Variants in PPP1R9A observed in about 807,000 individuals in gnomAD.
The protein encoded by PPP1R9A is protein phosphatase 1 regulatory subunit 9A, also known as neurabin-1.
In PPP1R9A, 59 loss-of-function variants were observed where a neutral mutation model predicts 141.9. The ratio of observed to expected loss-of-function variants is 0.42; its 90% CI spans 0.34 to 0.52. The LOEUF is 0.52. Ranked by LOEUF, PPP1R9A falls within the 20% of genes least tolerant of loss-of-function variation. PPP1R9A has a pLI of 0.10. For synonymous variants in PPP1R9A, 500 were observed against 569.7 expected, an observed-to-expected ratio of 0.88 and a Z score of 1.74; for missense variants, 1,444 against 1,611.9, an observed-to-expected ratio of 0.90 and a Z score of 1.78.
rs1807081464 is a variant in PPP1R9A, at chr7:95,296,210, C to CA, written c.*5912dup. 1 of 152,562 alleles carries CA rather than the reference C, an allele frequency of 6.6e-6. No individual in the cohort carries two copies. Among genetic ancestry groups the CA allele is most frequent in the South Asian group, 2.1e-4 (1 of 4,828 alleles). 9.5% of individuals were successfully genotyped at this position (152,562 alleles called of 1,614,324 possible). On this transcript the variant is annotated 3_prime_UTR_variant, in exon 20 of 20. Coordinates refer to ENST00000433360, the MANE Select transcript of PPP1R9A (RefSeq NM_001166160.2). The stretch of plus-strand genomic sequence containing the variant: ...TTAATATGTACTTCTCTAGATTGTT[C>CA]AAAAAGTTTCAAATGACATTCCTTA...
At position 95,290,357 on chromosome 7, in the gene PPP1R9A, C is replaced by G. The variant is rs1397897045; in HGVS notation, c.*54C>G. The G allele has an allele frequency of 1.3e-6, 2 of 1,523,568 alleles. No individual in the cohort carries two copies. The highest frequency in any genetic ancestry group is 1.4e-5 in the African/African-American group (1 of 71,764). 94.4% of individuals were successfully genotyped at this position (1,523,568 alleles called of 1,614,324 possible). ...GCTCCAAGAGAAGTCCCCACCTCTTCCTGCCCTGCTCTCCTCCAGAGGATG... is the reference window on the plus strand; with the variant it reads ...GCTCCAAGAGAAGTCCCCACCTCTTGCTGCCCTGCTCTCCTCCAGAGGATG... On this transcript the variant is annotated 3_prime_UTR_variant, in exon 20 of 20. Coordinates refer to ENST00000433360, the MANE Select transcript of PPP1R9A (RefSeq NM_001166160.2).
chr7:95,283,946 G>C (rs1457279999), intron 16 of PPP1R9A, 72 bp from the exon 17 acceptor site: 1 of 1,277,082 alleles, frequency 7.8e-7, no homozygotes, highest in African/African-American at 1.5e-5. Context: ...ACTATATTCA[G>C]AGTCCTTGGG....
At chr7:95,284,453 A>G (rs780156635) in intron 17 of PPP1R9A, 123 bp downstream of exon 17, 2 of 957,046 alleles carry the variant, frequency 2.1e-6, no homozygotes, top group Non-Finnish European at 3.0e-6. Flanking sequence ...TGATTTGCCT[A>G]TCTTTTCACA....
At chr7:95,178,462 A>G (rs1833217606) in intron 5 of PPP1R9A, among the ~76,000 whole-genome samples, 1 of 152,128 alleles carries the variant, frequency 6.6e-6, no homozygotes, top group Admixed American at 6.6e-5. Context: ...ATCTAAGGTC[A>G]CACCTCAGGG....
At chr7:94,998,103 CTT>C (rs1311792080) in intron 2 of PPP1R9A, among the ~76,000 whole-genome samples, 1 of 152,120 alleles carries the variant, frequency 6.6e-6, no homozygotes, top group Non-Finnish European at 1.5e-5. Context: ...TTAATTGTGA[CTT>C]TGAATAAATA....
intron 2 of PPP1R9A, among the ~76,000 whole-genome samples, chr7:95,023,299 G>A (rs1400102179): frequency 6.6e-6 from 1 of 152,034 alleles, no homozygotes; most frequent in African/African-American, 2.4e-5. Flanking sequence ...ATGGTAGTTT[G>A]TATTTCTTTG....
At chr7:94,953,598 A>G (rs572568635) in intron 2 of PPP1R9A, among the ~76,000 whole-genome samples, 8 of 152,254 alleles carry the variant, frequency 5.3e-5, no homozygotes, top group South Asian at 4.1e-4. Flanking sequence ...CAAGCATGTA[A>G]TGTTTTTCCA....
chr7:94,929,655 A>G (rs149339420), intron 2 of PPP1R9A, among the ~76,000 whole-genome samples: 48 of 152,234 alleles, frequency 3.2e-4, no homozygotes, highest in African/African-American at 9.9e-4. Flanking sequence ...CTTTTCTGAA[A>G]ACATACTAGT....
chr7:95,118,876 G>A (rs1584785119), intron 3 of PPP1R9A, among the ~76,000 whole-genome samples: 1 of 151,044 alleles, frequency 6.6e-6, no homozygotes, highest in African/African-American at 2.4e-5. Context: ...CCAGCACCTC[G>A]GAGGCTGAGG....
chr7:94,964,274 G>A (rs376085044), intron 2 of PPP1R9A, among the ~76,000 whole-genome samples: 4 of 152,182 alleles, frequency 2.6e-5, no homozygotes, highest in East Asian at 1.9e-4. Flanking sequence ...TTTTTGCAGG[G>A]ACATAGGCTT....
intron 5 of PPP1R9A, among the ~76,000 whole-genome samples, chr7:95,163,720 T>TTTTTG (rs57324387): frequency 0.012 from 1,820 of 152,032 alleles, 48 homozygotes; most frequent in African/African-American, 0.04. Context: ...GCAGGGGTTT[T>TTTTTG]TTTTGTTTTG....
chr7:95,162,604 C>T (rs1830608926), intron 5 of PPP1R9A, among the ~76,000 whole-genome samples: 2 of 152,066 alleles, frequency 1.3e-5, no homozygotes, highest in Admixed American at 1.3e-4. Context: ...TTATAGGTTA[C>T]TTATTTATCT....
intron 2 of PPP1R9A, among the ~76,000 whole-genome samples, chr7:94,915,715 T>C (rs1339193870): frequency 6.6e-6 from 1 of 152,208 alleles, no homozygotes; most frequent in Non-Finnish European, 1.5e-5. Context: ...TGTTCCTATG[T>C]CCCATCTTTC....
rs115863687 is a variant in PPP1R9A, at chr7:95,188,421, G to T, written c.1755-9928G>T. 8.1e-3 allele frequency among the ~76,000 whole-genome samples: 1,235 copies of T among 152,138 alleles called. 11 individuals are homozygous for T. The highest frequency in any genetic ancestry group is 0.029 in the African/African-American group (1,184 of 41,510). ...TGAAGATAGCATATACTTGGTTGGT[G>T]GATTTTTAATCCATTCTACCATTCT... On this transcript the variant is annotated intron_variant, in intron 5 of 19. Coordinates refer to ENST00000433360, the MANE Select transcript of PPP1R9A (RefSeq NM_001166160.2).
intron 2 of PPP1R9A, among the ~76,000 whole-genome samples, chr7:94,982,339 C>T (rs1352124412): frequency 1.3e-5 from 2 of 152,116 alleles, no homozygotes; most frequent in African/African-American, 4.8e-5. Flanking sequence ...GGTATATACC[C>T]AGTAATGGGA....
At chr7:95,226,927 G>A (rs1272154184) in intron 8 of PPP1R9A, among the ~76,000 whole-genome samples, 1 of 152,132 alleles carries the variant, frequency 6.6e-6, no homozygotes, top group African/African-American at 2.4e-5. Flanking sequence ...TCCCAAAGCA[G>A]TTTATCTATC....
intron 10 of PPP1R9A, among the ~76,000 whole-genome samples, chr7:95,250,706 A>G (rs949575073): frequency 6.6e-5 from 10 of 152,140 alleles, no homozygotes; most frequent in Admixed American, 5.9e-4. Context: ...CACTACAGAC[A>G]GTGCACATAT....
chr7:95,272,391 CATGTCT>C (rs912456669), intron 14 of PPP1R9A, among the ~76,000 whole-genome samples: 2 of 152,120 alleles, frequency 1.3e-5, no homozygotes, highest in Non-Finnish European at 2.9e-5. Flanking sequence ...GTGTTTGTGC[CATGTCT>C]ATGTCTATGG....
intron 7 of PPP1R9A, among the ~76,000 whole-genome samples, chr7:95,213,897 C>T (rs1022233701): frequency 2.0e-5 from 3 of 152,194 alleles, no homozygotes; most frequent in Admixed American, 6.5e-5. Context: ...ACCCTGTTCA[C>T]AAGGAACACT....
Sources: gnomAD v4.1 joint callset for allele counts (sites outside exome capture counted in the v4.1 genomes callset) on GRCh38, gnomAD v4.1.1 for gene constraint, MANE v1.5 for transcripts, NCBI Gene and HGNC (gene_info 2026-07-23, HGNC 2026-07-21) for gene names.